ZNF524: variants seen among roughly 807,000 people sequenced by gnomAD.
ZNF524 encodes zinc finger protein 524.
For synonymous variants in ZNF524, 194 were observed against 166.3 expected, an observed-to-expected ratio of 1.17 and a Z score of -1.28; for missense variants, 388 against 380.1, an observed-to-expected ratio of 1.02 and a Z score of -0.17.
chr19:55,600,657 A>G (rs1980626444), intron 1 of ZNF524: 1 of 151,932 alleles, frequency 6.6e-6, no homozygotes, highest in South Asian at 2.1e-4. Flanking sequence ...TCGGGGGCCG[A>G]TGGGCGCGTC....
In ZNF524 at chr19:55,600,364, C is replaced by G. The variant is rs1320265430; in HGVS notation, c.-83C>G. 1.3e-5 allele frequency: 2 copies of G among 149,932 alleles called. No individual in the cohort carries two copies. The highest frequency in any genetic ancestry group is 4.9e-5 in the African/African-American group (2 of 41,008). 9.3% of individuals were successfully genotyped at this position (149,932 alleles called of 1,614,324 possible). ...CTTCCCACGCGCCGGCCCCGTTGCC[C>G]CCGCGCGCGCGCACACTCGCGAGCC... is the stretch of plus-strand genomic sequence containing the variant. On this transcript the variant is annotated 5_prime_UTR_variant, in exon 1 of 2. Coordinates refer to ENST00000301073, the MANE Select transcript of ZNF524 (RefSeq NM_153219.4).
upstream of ZNF524, chr19:55,600,118 G>C (rs1980573390): frequency 6.6e-6 from 1 of 152,242 alleles, no homozygotes; most frequent in African/African-American, 2.4e-5. Context: ...TTTCCCACTG[G>C]GGACACACCA....
rs553955191 is a variant in ZNF524, at chr19:55,603,037, T to C, written c.*130T>C. 1.7e-6 allele frequency: 2 copies of C among 1,191,674 alleles called. No homozygotes were observed. Among genetic ancestry groups the C allele is most frequent in the African/African-American group, 3.1e-5 (2 of 64,774 alleles). The allele number at this position is 1,191,674 out of a possible 1,614,324, so 73.8% of individuals were successfully genotyped here. A position where few individuals can be genotyped will look rare whatever the true frequency, so the allele number is the denominator to read the frequency against. Reference sequence around the variant, plus strand: ...TCCCGTTGTGGGAGCAGGTGGAGGGTGGAGACCTAAACTTTGGGGTCCAGC... The same window carrying C: ...TCCCGTTGTGGGAGCAGGTGGAGGGCGGAGACCTAAACTTTGGGGTCCAGC... On this transcript the variant is annotated 3_prime_UTR_variant, in exon 2 of 2. Coordinates refer to ENST00000301073, the MANE Select transcript of ZNF524 (RefSeq NM_153219.4).
chr19:55,602,032 T>C, intron 1 of ZNF524, 43 bp from the exon 2 acceptor site: 1 of 1,363,250 alleles, frequency 7.3e-7, no homozygotes. Flanking sequence ...ACAGGGGTGC[T>C]CTAGACCCTG....
intron 1 of ZNF524, 58 bp from the exon 2 acceptor site, chr19:55,602,017 G>A: frequency 1.7e-6 from 2 of 1,172,194 alleles, no homozygotes; most frequent in Non-Finnish European, 2.4e-6. Flanking sequence ...GAGGTGTTGG[G>A]GGACACAGGG....
At chr19:55,602,037 A>G in intron 1 of ZNF524, 38 bp from the exon 2 acceptor site, 1 of 1,379,730 alleles carries the variant, frequency 7.2e-7, no homozygotes. Flanking sequence ...GGTGCTCTAG[A>G]CCCTGTGAGC....
rs1980760668 is a variant in ZNF524, at chr19:55,602,741, C to T, written c.629C>T (p.Ala210Val). ...ATCTGCCGGCTGCGCTTTACAGAGGCCAACACGCTCCGGCGCCATGCGAAG... is the reference window on the plus strand; with the variant it reads ...ATCTGCCGGCTGCGCTTTACAGAGGTCAACACGCTCCGGCGCCATGCGAAG... ...CPICRLRFTE[A>V]NTLRRHAKRK... Residue 210 changes from alanine to valine, a missense_variant, in exon 2 of 2, where the codon GCC (alanine) becomes GTC (valine). Ala to Val is a moderately conservative substitution (Grantham distance 64). Coordinates refer to ENST00000301073, the MANE Select transcript of ZNF524 (RefSeq NM_153219.4). The T allele has an allele frequency of 5.0e-6, 8 of 1,607,704 alleles. No individual in the cohort carries two copies. The highest frequency in any genetic ancestry group is 6.8e-6 in the Non-Finnish European group (8 of 1,179,814).
chr19:55,600,080 AG>A (rs2123567148), upstream of ZNF524: 1 of 152,166 alleles, frequency 6.6e-6, no homozygotes, highest in South Asian at 2.1e-4. Context: ...AGGCGTTTCG[AG>A]GTGGTTGGGG....
Position 55,602,388 on chromosome 19 carries a change from G to A in ZNF524, c.276G>A (p.Val92=), listed in dbSNP as rs768722635. 1 of 1,574,000 alleles carries A rather than the reference G, an allele frequency of 6.4e-7. No homozygotes were observed. The highest frequency in any genetic ancestry group is 1.8e-5 in the Admixed American group (1 of 54,248). ...SDLLLIDDQG[V]PYTVSEGSAA... ...TCCTCCTGATCGATGATCAGGGTGT[G>A]CCCTATACGGTCTCTGAAGGTTCAG... Residue 92 remains valine (V), a synonymous_variant, in exon 2 of 2, where the codon GTG becomes GTA. Coordinates refer to ENST00000301073, the MANE Select transcript of ZNF524 (RefSeq NM_153219.4).
Position 55,602,087 on chromosome 19 carries a change from C to T in ZNF524, c.-26C>T, listed in dbSNP as rs1980708560. ...TCTCTCCTCTTAGCTGGCTCCAGTGCCCAGACCCAAGCCCCCCACTGCTCA... is the reference window on the plus strand; with the variant it reads ...TCTCTCCTCTTAGCTGGCTCCAGTGTCCAGACCCAAGCCCCCCACTGCTCA... On this transcript the variant is annotated 5_prime_UTR_variant, in exon 2 of 2. Transcript: ENST00000301073. The T allele has an allele frequency of 1.3e-6, 2 of 1,516,480 alleles. No homozygotes were observed. Among genetic ancestry groups the T allele is most frequent in the Non-Finnish European group, 1.8e-6 (2 of 1,132,606 alleles). 93.9% of individuals were successfully genotyped at this position (1,516,480 alleles called of 1,614,324 possible). A position where few individuals can be genotyped will look rare whatever the true frequency, so the allele number is the denominator to read the frequency against.
At chr19:55,600,566 C>CA (rs1980618485) in intron 1 of ZNF524, 158 bp downstream of exon 1, 1 of 151,464 alleles carries the variant, frequency 6.6e-6, no homozygotes, top group Non-Finnish European at 1.5e-5. Flanking sequence ...CCCTTCCTGG[C>CA]AGCCCCCGCC....
chr19:55,600,788 C>T (rs1206515237), intron 1 of ZNF524: 2 of 151,674 alleles, frequency 1.3e-5, no homozygotes, highest in African/African-American at 4.9e-5. Flanking sequence ...AAGGTGGTTG[C>T]TCCTCTCTGG....
intron 1 of ZNF524, chr19:55,601,261 T>C (rs1980666237): frequency 6.6e-6 from 1 of 152,234 alleles, no homozygotes. Context: ...TGACTTGGCT[T>C]TCCTGTGCCT....
At chr19:55,600,574 G>C (rs1371786209) in intron 1 of ZNF524, 166 bp downstream of exon 1, 1 of 150,000 alleles carries the variant, frequency 6.7e-6, no homozygotes, top group Non-Finnish European at 1.5e-5. Context: ...GGCAGCCCCC[G>C]CCGCCCGCTT....
Position 55,602,787 on chromosome 19 carries a change from G to C in ZNF524, c.675G>C (p.Met225Ile). 1 of 1,611,074 alleles carries C rather than the reference G, an allele frequency of 6.2e-7. No individual in the cohort carries two copies. Among genetic ancestry groups the C allele is most frequent in the South Asian group, 1.1e-5 (1 of 91,000 alleles). ...CGAAGCGCAAGCACCCGGAGGCCAT[G>C]GGGGTACCCCTGTGTGCACCAGATC... Reference protein sequence around the residue: ...RHAKRKHPEAMGVPLCAPDPG... With the variant: ...RHAKRKHPEAIGVPLCAPDPG... Residue 225 changes from methionine (M) to isoleucine (I), a missense_variant, in exon 2 of 2, where the codon ATG (methionine) becomes ATC (isoleucine). Physicochemically the swap from Met to Ile is conservative, Grantham distance 10. Transcript: ENST00000301073.
In ZNF524 at chr19:55,602,465, T is replaced by G; in HGVS notation, c.353T>G (p.Val118Gly). 6.3e-7 allele frequency: 1 copy of G among 1,598,818 alleles called. No homozygotes were observed. The highest frequency in any genetic ancestry group is 1.1e-5 in the South Asian group (1 of 89,940). ...GPRKAPHFCP[V>G]CLRAFPYLSD... Reference sequence around the variant, plus strand: ...AGGAAGGCCCCACACTTCTGCCCGGTGTGCCTGCGGGCCTTCCCCTACCTC... The same window carrying G: ...AGGAAGGCCCCACACTTCTGCCCGGGGTGCCTGCGGGCCTTCCCCTACCTC... Residue 118 changes from valine to glycine, a missense_variant, in exon 2 of 2, where the codon GTG becomes GGG. Physicochemically the swap from Val to Gly is moderately radical, Grantham distance 109 (BLOSUM62 -3). Coordinates refer to ENST00000301073, the MANE Select transcript of ZNF524 (RefSeq NM_153219.4).
intron 1 of ZNF524, 96 bp from the exon 2 acceptor site, chr19:55,601,979 G>A: frequency 1.3e-6 from 1 of 782,746 alleles, no homozygotes; most frequent in East Asian, 2.8e-5. Context: ...ACACACCTTT[G>A]TCAAGAGACT....
chr19:55,600,438 AG>A (rs372606986), intron 1 of ZNF524, 30 bp downstream of exon 1: 125,621 of 144,188 alleles, frequency 0.87, 54,780 homozygotes, highest in South Asian at 0.94. Context: ...CGCAGGCGGG[AG>A]GGGGGGTGTG....
Position 55,600,289 on chromosome 19 carries a change from CCGCCCCCGCCT to C in ZNF524, c.-153_-143del, listed in dbSNP as rs959141541. ...GGGGCGGGGCCGGCACCGCGCGCCG[CCGCCCCCGCCT>C]CGCCGCCGCCGAGGGGCAGGGCCCC... On this transcript the variant is annotated 5_prime_UTR_variant, in exon 1 of 2. Transcript: ENST00000301073. 8.0e-5 allele frequency: 12 copies of C among 149,352 alleles called. No homozygotes were observed. Among genetic ancestry groups the C allele is most frequent in the South Asian group, 2.1e-4 (1 of 4,804 alleles). The allele number at this position is 149,352 out of a possible 1,614,324, so 9.3% of individuals were successfully genotyped here.
Sources: allele counts gnomAD v4.1 joint callset, GRCh38; gene constraint gnomAD v4.1.1; transcripts MANE v1.5; gene names NCBI Gene and HGNC (gene_info 2026-07-23, HGNC 2026-07-21).